Variants in RBFOX1 observed in about 807,000 individuals in gnomAD.
RBFOX1 encodes RNA binding fox-1 homolog 1, also known as RNA binding protein fox-1 homolog 1.
A neutral mutation model predicts 57.7 loss-of-function variants in RBFOX1; 8 were observed. That is an observed-to-expected ratio of 0.14 (90% CI 0.08 to 0.25). The LOEUF is 0.25. Among genes scored for constraint, RBFOX1 ranks in the 10% least tolerant of loss-of-function variants. RBFOX1 has a pLI of 1.00. For missense variants in RBFOX1, 611 were observed against 548.5 expected (o/e 1.11, Z -1.14); for synonymous variants, 326 against 222.4 (o/e 1.47, Z -4.15).
intron 2 of RBFOX1, among the ~76,000 whole-genome samples, chr16:6,337,196 C>T (rs537670458): frequency 2.0e-5 from 3 of 152,192 alleles, no homozygotes; most frequent in African/African-American, 4.8e-5. Context: ...ATGTTGATTC[C>T]CCTTTTCTCT....
intron 3 of RBFOX1, among the ~76,000 whole-genome samples, chr16:5,796,559 C>T (rs60541364): frequency 0.023 from 2,668 of 114,888 alleles, 78 homozygotes; most frequent in African/African-American, 0.11. Context: ...GATGGTGTCT[C>T]CACACCCTGA....
chr16:5,679,404 T>C (rs912011438), intron 3 of RBFOX1, among the ~76,000 whole-genome samples: 2 of 151,996 alleles, frequency 1.3e-5, no homozygotes, highest in African/African-American at 4.8e-5. Context: ...GTTATATAGG[T>C]ATACATGTGC....
chr16:6,663,951 G>A (rs76615715), intron 3 of RBFOX1, among the ~76,000 whole-genome samples: 2,479 of 152,294 alleles, frequency 0.016, 115 homozygotes, highest in East Asian at 0.1. Context: ...CTCAAAGCAG[G>A]CAAAGGCTAA....
chr16:5,356,014 C>T (rs1038550006), intron 1 of RBFOX1, among the ~76,000 whole-genome samples: 1 of 152,158 alleles, frequency 6.6e-6, no homozygotes, highest in Non-Finnish European at 1.5e-5. Flanking sequence ...TTGCTTTAAC[C>T]CGGGAGGCGG....
At chr16:6,979,981 C>A (rs996698120) in intron 3 of RBFOX1, among the ~76,000 whole-genome samples, 1 of 152,174 alleles carries the variant, frequency 6.6e-6, no homozygotes, top group African/African-American at 2.4e-5. Context: ...GAGTGGGTAC[C>A]TTCTAACACC....
chr16:5,839,338 T>C (rs149967586), intron 3 of RBFOX1, among the ~76,000 whole-genome samples: 1 of 152,274 alleles, frequency 6.6e-6, no homozygotes, highest in Non-Finnish European at 1.5e-5. Context: ...GGGAGGGAAC[T>C]GATAGTTTCA....
At chr16:7,418,020 G>A (rs1413507926) in intron 4 of RBFOX1, among the ~76,000 whole-genome samples, 3 of 151,990 alleles carry the variant, frequency 2.0e-5, no homozygotes, top group African/African-American at 4.8e-5. Context: ...CTGTGTGGAG[G>A]TCCTCTATAG....
chr16:7,164,864 A>T (rs745745604), intron 4 of RBFOX1, among the ~76,000 whole-genome samples: 12 of 152,134 alleles, frequency 7.9e-5, no homozygotes, highest in African/African-American at 2.7e-4. Context: ...ACTGCAGGAG[A>T]GGCAATAAAT....
intron 2 of RBFOX1, among the ~76,000 whole-genome samples, chr16:6,412,661 C>G (rs1245981858): frequency 6.6e-6 from 1 of 152,172 alleles, no homozygotes; most frequent in Admixed American, 6.5e-5. Context: ...TTGATGTGCT[C>G]CATTTTATTT....
chr16:6,776,510 A>G (rs2079385577), intron 3 of RBFOX1, among the ~76,000 whole-genome samples: 2 of 152,212 alleles, frequency 1.3e-5, no homozygotes, highest in African/African-American at 2.4e-5. Context: ...TAAAACACAT[A>G]GAAGAGGAAC....
chr16:7,017,726 T>C (rs1289411229), intron 3 of RBFOX1, among the ~76,000 whole-genome samples: 1 of 152,168 alleles, frequency 6.6e-6, no homozygotes, highest in Non-Finnish European at 1.5e-5. Flanking sequence ...CTTCACGTTT[T>C]CACAACCCTG....
chr16:7,225,985 A>T (rs529325106), intron 4 of RBFOX1, among the ~76,000 whole-genome samples: 1 of 151,514 alleles, frequency 6.6e-6, no homozygotes, highest in African/African-American at 2.4e-5. Context: ...CCAAATGGCG[A>T]TGCTCTAAGG....
At chr16:5,781,890 C>T (rs1002750090) in intron 3 of RBFOX1, among the ~76,000 whole-genome samples, 1 of 152,160 alleles carries the variant, frequency 6.6e-6, no homozygotes, top group African/African-American at 2.4e-5. Context: ...TAACGAAATG[C>T]CTGAGACAGG....
At position 6,060,679 on chromosome 16, in the gene RBFOX1, C is replaced by G. The variant is rs563872359; in HGVS notation, c.-127+40687C>G. 9.2e-5 allele frequency among the ~76,000 whole-genome samples: 14 copies of G among 152,246 alleles called. No individual in the cohort carries two copies. In the East Asian group the frequency reaches 2.5e-3, roughly 27 times the overall value. ...AAGTAACTTCAAACCACTCGTACTA[C>G]CTTAAGACAACAAAATATCCTAGAA... On this transcript the variant is annotated intron_variant, in intron 1 of 15. Coordinates refer to ENST00000550418, the MANE Select transcript of RBFOX1 (RefSeq NM_018723.4).
chr16:6,891,635 C>T (rs113683992), intron 3 of RBFOX1, among the ~76,000 whole-genome samples: 3 of 152,330 alleles, frequency 2.0e-5, no homozygotes, highest in Admixed American at 6.5e-5. Context: ...CATTCCTTTC[C>T]TTGCTTAATC....
intron 3 of RBFOX1, among the ~76,000 whole-genome samples, chr16:6,940,827 C>A (rs1461182458): frequency 7.5e-6 from 1 of 132,792 alleles, no homozygotes; most frequent in African/African-American, 3.1e-5. Flanking sequence ...GGAGTACAGG[C>A]GCCTGCCACC....
intron 1 of RBFOX1, among the ~76,000 whole-genome samples, chr16:5,373,349 G>A (rs1047522621): frequency 3.3e-5 from 5 of 152,158 alleles, no homozygotes; most frequent in Admixed American, 1.3e-4. Flanking sequence ...GGAGGGACCC[G>A]GTGGGAGGTG....
Position 6,103,278 on chromosome 16 carries a change from T to C in RBFOX1, c.-127+83286T>C, listed in dbSNP as rs115063365. ...CAGTTTTGTGACTGTGAGCTATTAC[T>C]TTCATTCTGCAGTACTCATATGACA... On this transcript the variant is annotated intron_variant, in intron 1 of 15. Transcript: ENST00000550418. Among the ~76,000 whole-genome samples, 386 of 152,298 alleles carry C rather than the reference T, an allele frequency of 2.5e-3. 1 individual carries two copies. The highest frequency in any genetic ancestry group is 9.1e-3 in the African/African-American group (380 of 41,556).
intron 2 of RBFOX1, among the ~76,000 whole-genome samples, chr16:6,438,737 G>C (rs1320905156): frequency 6.6e-6 from 1 of 152,136 alleles, no homozygotes; most frequent in African/African-American, 2.4e-5. Context: ...GCCTGTATAA[G>C]AGCCTCACCA....
Sources: allele counts gnomAD v4.1 joint callset (sites outside exome capture counted in the v4.1 genomes callset), GRCh38; gene constraint gnomAD v4.1.1; transcripts MANE v1.5; gene names NCBI Gene and HGNC (gene_info 2026-07-23, HGNC 2026-07-21).